Variants in SLMAP observed in about 807,000 individuals in gnomAD.
SLMAP encodes sarcolemmal membrane-associated protein.
In SLMAP, 44 loss-of-function variants were observed where a neutral mutation model predicts 128.8. The observed-to-expected ratio is 0.34, with a 90% CI of 0.27 to 0.44. The LOEUF (loss-of-function observed/expected upper bound fraction) is 0.44. Among genes scored for constraint, SLMAP ranks in the 20% least tolerant of loss-of-function variants. The probability of loss-of-function intolerance (pLI) is 1.00; values close to 1 mark genes in which losing one functional copy is unlikely to be tolerated. For missense variants in SLMAP, 787 were observed against 985.3 expected, an observed-to-expected ratio of 0.80 and a Z score of 2.69; for synonymous variants, 327 against 348.8, an observed-to-expected ratio of 0.94 and a Z score of 0.70.
rs370285631 is a variant in SLMAP at position 57,875,781 on chromosome 3, ACT to A, written c.1300+4086_1300+4087del. 1.0e-3 allele frequency among the ~76,000 whole-genome samples: 157 copies of A among 152,180 alleles called. 1 individual carries two copies. In the South Asian group the frequency reaches 0.031, roughly 30 times the overall value. ...ACCAGAGTTGGGAAAGTGAGGGTTG[ACT>A]CTGGTTTGACTTGTCAGAAGGGACA... On this transcript the variant is annotated intron_variant, in intron 14 of 24. Transcript: ENST00000671191.
intron 17 of SLMAP, chr3:57,900,894 C>T (rs2096364006): frequency 6.6e-6 from 1 of 152,182 alleles, no homozygotes; most frequent in Admixed American, 6.5e-5. Context: ...TTGTATTTTC[C>T]TTGTGCCTCA....
intron 14 of SLMAP, among the ~76,000 whole-genome samples, chr3:57,887,757 A>G (rs1023719731): frequency 2.0e-5 from 3 of 152,146 alleles, no homozygotes; most frequent in African/African-American, 7.2e-5. Context: ...AGTCCTATGA[A>G]TCTTCCTCAG....
At chr3:57,763,572 G>T (rs1309377633) in intron 2 of SLMAP, among the ~76,000 whole-genome samples, 4 of 152,124 alleles carry the variant, frequency 2.6e-5, no homozygotes. Flanking sequence ...ACCGCGCCCG[G>T]CCTAGTGCAT....
intron 18 of SLMAP, among the ~76,000 whole-genome samples, chr3:57,908,520 G>A (rs568958136): frequency 1.2e-3 from 177 of 152,306 alleles, no homozygotes; most frequent in Middle Eastern, 0.01. Context: ...TGTTCTCCAA[G>A]ATGGCCTTCC....
At chr3:57,833,931 GA>G (rs1016618247) in intron 3 of SLMAP, among the ~76,000 whole-genome samples, 1 of 151,948 alleles carries the variant, frequency 6.6e-6, no homozygotes, top group Non-Finnish European at 1.5e-5. Flanking sequence ...GGACATACCA[GA>G]AAAAAAGTAT....
chr3:57,782,273 A>C (rs140792237), intron 2 of SLMAP, among the ~76,000 whole-genome samples: 1 of 152,280 alleles, frequency 6.6e-6, no homozygotes, highest in African/African-American at 2.4e-5. Context: ...GGACCATTTT[A>C]ATTCTTTTTA....
chr3:57,817,469 A>G (rs771828345), intron 2 of SLMAP, among the ~76,000 whole-genome samples: 3 of 152,216 alleles, frequency 2.0e-5, no homozygotes, highest in Non-Finnish European at 4.4e-5. Context: ...TAGATGTTAC[A>G]GTCATGTAAT....
Position 57,756,335 on chromosome 3 carries a change from C to G in SLMAP, c.-1112C>G, listed in dbSNP as rs1447619595. 2 of 153,404 alleles carry G rather than the reference C, an allele frequency of 1.3e-5. No homozygotes were observed. Among genetic ancestry groups the G allele is most frequent in the East Asian group, 3.8e-4 (2 of 5,230 alleles). The allele number at this position is 153,404 out of a possible 1,614,324, so 9.5% of individuals were successfully genotyped here. On this transcript the variant is annotated 5_prime_UTR_variant, in exon 1 of 25. Coordinates refer to ENST00000671191, the MANE Select transcript of SLMAP (RefSeq NM_001377540.1). ...GTCAGAGTCACTATGGCGGCCGGCG[C>G]TGGCAAGGTAAGCTGAGGCGGTGGT...
chr3:57,771,177 C>T (rs74895417), intron 2 of SLMAP, among the ~76,000 whole-genome samples: 47,846 of 88,296 alleles, frequency 0.54, 14,085 homozygotes, highest in East Asian at 0.88. Flanking sequence ...CCCTCCCCTC[C>T]CCTCTCCTCT....
At chr3:57,783,767 A>G (rs2083514758) in intron 2 of SLMAP, among the ~76,000 whole-genome samples, 1 of 152,198 alleles carries the variant, frequency 6.6e-6, no homozygotes, top group African/African-American at 2.4e-5. Flanking sequence ...CATTTCAGAG[A>G]TCTTCAAGGC....
chr3:57,807,436 T>C (rs1190348307), intron 2 of SLMAP, among the ~76,000 whole-genome samples: 1 of 152,246 alleles, frequency 6.6e-6, no homozygotes, highest in Non-Finnish European at 1.5e-5. Flanking sequence ...GGGTTTGTCC[T>C]GAATAGCTCT....
At chr3:57,839,228 T>C (rs931001465) in intron 3 of SLMAP, among the ~76,000 whole-genome samples, 2 of 151,888 alleles carry the variant, frequency 1.3e-5, no homozygotes, top group South Asian at 4.2e-4. Context: ...TGTGAGCCAC[T>C]GTGCCCTGCC....
chr3:57,823,099 A>G (rs73834741), intron 2 of SLMAP, among the ~76,000 whole-genome samples: 2,145 of 152,278 alleles, frequency 0.014, 56 homozygotes, highest in African/African-American at 0.049. Context: ...AAGAAAGAGG[A>G]AAGTATGGCC....
intron 3 of SLMAP, among the ~76,000 whole-genome samples, chr3:57,832,869 G>A (rs1030146509): frequency 1.3e-5 from 2 of 152,172 alleles, no homozygotes; most frequent in Admixed American, 6.5e-5. Flanking sequence ...AACCAAAAAA[G>A]AAAGGTTTGT....
At chr3:57,868,313 G>C (rs567230046) in intron 13 of SLMAP, among the ~76,000 whole-genome samples, 7 of 152,110 alleles carry the variant, frequency 4.6e-5, no homozygotes, top group African/African-American at 1.7e-4. Context: ...TAAATTTTCT[G>C]CTGGGCAAAG....
intron 22 of SLMAP, among the ~76,000 whole-genome samples, 155 bp from the exon 23 acceptor site, chr3:57,922,734 T>C (rs964176236): frequency 6.6e-6 from 1 of 152,108 alleles, no homozygotes; most frequent in Admixed American, 6.6e-5. Context: ...GCCAAAAGAC[T>C]TCTTATGAGT....
At chr3:57,823,121 G>A (rs927906830) in intron 2 of SLMAP, among the ~76,000 whole-genome samples, 1 of 152,110 alleles carries the variant, frequency 6.6e-6, no homozygotes, top group Non-Finnish European at 1.5e-5. Flanking sequence ...ATTGCTGGGG[G>A]GAAAAATGGA....
At chr3:57,763,458 A>T (rs2079072466) in intron 2 of SLMAP, among the ~76,000 whole-genome samples, 1 of 151,942 alleles carries the variant, frequency 6.6e-6, no homozygotes, top group South Asian at 2.1e-4. Context: ...TTATTTTAGT[A>T]GAAACGGGGT....
At chr3:57,843,305 C>CTTTTCCTTT (rs2094036223) in intron 4 of SLMAP, among the ~76,000 whole-genome samples, 1 of 92,112 alleles carries the variant, frequency 1.1e-5, no homozygotes, top group Non-Finnish European at 2.0e-5. Flanking sequence ...CTTTCTTTTC[C>CTTTTCCTTT]TTTTTTTTTT....
Sources: gnomAD v4.1 joint callset for allele counts (sites outside exome capture counted in the v4.1 genomes callset) on GRCh38, gnomAD v4.1.1 for gene constraint, MANE v1.5 for transcripts, NCBI Gene and HGNC (gene_info 2026-07-23, HGNC 2026-07-21) for gene names.